Variants in DPF3 observed in about 807,000 individuals in gnomAD.
DPF3 encodes the protein zinc finger protein DPF3.
In DPF3, 18 loss-of-function variants were observed where a neutral mutation model predicts 56.8. The observed-to-expected ratio is 0.32, with a 90% CI of 0.22 to 0.47. The LOEUF is 0.47. Among genes scored for constraint, DPF3 ranks in the 20% least tolerant of loss-of-function variants. DPF3 has a pLI of 1.00. For missense variants in DPF3, 403 were observed against 488.8 expected (o/e 0.82, Z 1.65); for synonymous variants, 188 against 180.2 (o/e 1.04, Z -0.35).
At position 72,671,448 on chromosome 14, in the gene DPF3, T is replaced by C. The variant is rs2286067; in HGVS notation, c.871+2792A>G. On this transcript the variant is annotated intron_variant, in intron 8 of 10. Coordinates refer to ENST00000556509, the MANE Select transcript of DPF3 (RefSeq NM_001280542.3). ...TTCTTAATAGCAAGATATAAAACCA[T>C]TTGCACACCAAAGGGATTAACCCGG... 0.019 allele frequency: 26,530 copies of C among 1,417,960 alleles called. 2,136 individuals are homozygous for C. In the African/African-American group the frequency reaches 0.19, roughly 10 times the overall value. The allele number at this position is 1,417,960 out of a possible 1,614,324, so 87.8% of individuals were successfully genotyped here. A position where few individuals can be genotyped will look rare whatever the true frequency, so the allele number is the denominator to read the frequency against.
chr14:72,771,585 G>A (rs529068135), intron 2 of DPF3, 148 bp downstream of exon 2: 1 of 801,172 alleles, frequency 1.2e-6, no homozygotes, highest in African/African-American at 1.8e-5. Context: ...AAGTAGCTGA[G>A]CTTCTTTAAG....
chr14:72,686,484 T>A (rs571646287), intron 7 of DPF3, among the ~76,000 whole-genome samples: 1 of 152,334 alleles, frequency 6.6e-6, no homozygotes, highest in Admixed American at 6.5e-5. Context: ...CACTGGAAGA[T>A]GGCAGATTGC....
chr14:72,670,794 C>T (rs904684386), intron 8 of DPF3: 3 of 1,098,158 alleles, frequency 2.7e-6, no homozygotes, highest in Admixed American at 4.8e-5. Context: ...AGGACATCAA[C>T]TCTGCTCCTG....
At chr14:72,688,007 T>G (rs897893836) in intron 7 of DPF3, among the ~76,000 whole-genome samples, 5 of 151,658 alleles carry the variant, frequency 3.3e-5, no homozygotes, top group Non-Finnish European at 7.4e-5. Context: ...CACACCCCAT[T>G]GCACACTCCC....
At chr14:72,878,939 C>T (rs1005555090) in intron 1 of DPF3, among the ~76,000 whole-genome samples, 3 of 152,190 alleles carry the variant, frequency 2.0e-5, no homozygotes, top group East Asian at 3.8e-4. Context: ...AGATTCCTGC[C>T]GTGAAGGCAG....
chr14:72,653,247 G>T (rs1262430096), intron 8 of DPF3, among the ~76,000 whole-genome samples: 5 of 152,220 alleles, frequency 3.3e-5, no homozygotes, highest in Non-Finnish European at 7.3e-5. Flanking sequence ...TGACAAGGCT[G>T]CTAGGAAGAT....
At chr14:72,806,250 T>G (rs1227730197) in intron 1 of DPF3, among the ~76,000 whole-genome samples, 1 of 152,140 alleles carries the variant, frequency 6.6e-6, no homozygotes, top group Non-Finnish European at 1.5e-5. Flanking sequence ...ACTAATTTCT[T>G]CCTTCTTGCC....
At chr14:72,878,516 C>G (rs541739833) in intron 1 of DPF3, among the ~76,000 whole-genome samples, 1 of 152,186 alleles carries the variant, frequency 6.6e-6, no homozygotes, top group African/African-American at 2.4e-5. Flanking sequence ...TTCACCAGAA[C>G]CCAGCCTTGG....
intron 1 of DPF3, among the ~76,000 whole-genome samples, chr14:72,862,762 C>T (rs1885488203): frequency 6.6e-6 from 1 of 152,058 alleles, no homozygotes; most frequent in African/African-American, 2.4e-5. Context: ...GGAGCTTTTC[C>T]CCCAACACTC....
At chr14:72,781,263 T>A (rs932427039) in intron 1 of DPF3, among the ~76,000 whole-genome samples, 3 of 152,160 alleles carry the variant, frequency 2.0e-5, no homozygotes, top group Non-Finnish European at 2.9e-5. Context: ...AAAGTCCTCA[T>A]CCCTAACAAA....
intron 2 of DPF3, among the ~76,000 whole-genome samples, chr14:72,753,976 A>G (rs1039229967): frequency 6.7e-6 from 1 of 149,550 alleles, no homozygotes; most frequent in South Asian, 2.1e-4. Flanking sequence ...GAGCCCGCAC[A>G]CCTCTATATC....
intron 1 of DPF3, among the ~76,000 whole-genome samples, chr14:72,799,077 G>T (rs1268480855): frequency 6.6e-6 from 1 of 152,130 alleles, no homozygotes; most frequent in Non-Finnish European, 1.5e-5. Context: ...AGACATCAGG[G>T]ACAGCAACTC....
At chr14:72,773,778 A>C (rs8015749) in intron 1 of DPF3, 2 of 453,360 alleles carry the variant, frequency 4.4e-6, no homozygotes, top group Non-Finnish European at 8.8e-6. Context: ...GTTAACCTAT[A>C]TTATAGCATA....
chr14:72,662,004 T>A, intron 8 of DPF3: 1 of 985,290 alleles, frequency 1.0e-6, no homozygotes, highest in Non-Finnish European at 1.2e-6. Context: ...GGCAGGCTGC[T>A]TCTGACATTC....
At chr14:72,665,225 T>C (rs1161802215) in intron 8 of DPF3, among the ~76,000 whole-genome samples, 2 of 152,214 alleles carry the variant, frequency 1.3e-5, no homozygotes, top group South Asian at 2.1e-4. Context: ...GAATTTCTAG[T>C]CTGATCCACT....
At chr14:72,799,119 G>C (rs186604968) in intron 1 of DPF3, among the ~76,000 whole-genome samples, 4 of 152,258 alleles carry the variant, frequency 2.6e-5, no homozygotes, top group Admixed American at 6.5e-5. Context: ...TGAATGGATG[G>C]GCAACACTGG....
intron 1 of DPF3, among the ~76,000 whole-genome samples, chr14:72,876,405 C>G (rs976015291): frequency 6.6e-6 from 1 of 152,190 alleles, no homozygotes; most frequent in African/African-American, 2.4e-5. Flanking sequence ...CCACCCCACC[C>G]TCCCCCTGGA....
chr14:72,875,478 C>T (rs1886077364), intron 1 of DPF3, among the ~76,000 whole-genome samples: 1 of 152,172 alleles, frequency 6.6e-6, no homozygotes, highest in Non-Finnish European at 1.5e-5. Flanking sequence ...CTTCCAACAA[C>T]CCCATAAAGA....
chr14:72,701,081 C>T (rs1226204246), intron 6 of DPF3, among the ~76,000 whole-genome samples: 1 of 152,236 alleles, frequency 6.6e-6, no homozygotes, highest in Non-Finnish European at 1.5e-5. Context: ...CTGGAAATAT[C>T]TGTCGTGCGG....
Sources: gnomAD v4.1 joint callset for allele counts (sites outside exome capture counted in the v4.1 genomes callset) on GRCh38, gnomAD v4.1.1 for gene constraint, MANE v1.5 for transcripts, NCBI Gene and HGNC (gene_info 2026-07-23, HGNC 2026-07-21) for gene names.